DNAH9: variants seen among roughly 807,000 people sequenced by gnomAD.
DNAH9 encodes the protein dynein axonemal heavy chain 9.
DNAH9 carries 345 observed loss-of-function variants against 471.6 expected under a neutral mutation model. The ratio of observed to expected loss-of-function variants is 0.73; its 90% CI spans 0.67 to 0.80. DNAH9 has a LOEUF of 0.80. Ranked by LOEUF, DNAH9 falls within the 30% of genes least tolerant of loss-of-function variation. DNAH9 has a pLI of 0.00. For synonymous variants in DNAH9, 2,093 were observed against 2,123.6 expected, an observed-to-expected ratio of 0.99 and a Z score of 0.40; for missense variants, 5,407 against 5,609.2, an observed-to-expected ratio of 0.96 and a Z score of 1.15.
intron 39 of DNAH9, among the ~76,000 whole-genome samples, 181 bp from the exon 40 acceptor site, chr17:11,783,465 T>C (rs1039397670): frequency 7.2e-5 from 11 of 152,174 alleles, no homozygotes; most frequent in Non-Finnish European, 1.3e-4. Flanking sequence ...TTTCCTTAGA[T>C]ATGGAGGTAC....
chr17:11,648,380 C>A (rs144881068), intron 12 of DNAH9, among the ~76,000 whole-genome samples: 1 of 152,174 alleles, frequency 6.6e-6, no homozygotes, highest in Non-Finnish European at 1.5e-5. Context: ...GGATCAATTT[C>A]ATTGGCATTC....
At chr17:11,619,883 C>T in intron 6 of DNAH9, 102 bp downstream of exon 6, 2 of 692,582 alleles carry the variant, frequency 2.9e-6, no homozygotes, top group Non-Finnish European at 5.2e-6. Flanking sequence ...ACCTCATAGC[C>T]AACCCTCCAT....
intron 59 of DNAH9, among the ~76,000 whole-genome samples, chr17:11,899,506 A>G (rs1973334153): frequency 6.6e-6 from 1 of 152,194 alleles, no homozygotes; most frequent in African/African-American, 2.4e-5. Context: ...AGTCATTTCC[A>G]TTTAGCTTAT....
intron 6 of DNAH9, among the ~76,000 whole-genome samples, chr17:11,628,529 C>T (rs1431322488): frequency 6.6e-6 from 1 of 152,222 alleles, no homozygotes; most frequent in East Asian, 1.9e-4. Flanking sequence ...TAACTACTCA[C>T]CGCCACCTGG....
At chr17:11,726,398 T>A (rs1001189920) in intron 27 of DNAH9, among the ~76,000 whole-genome samples, 2 of 152,196 alleles carry the variant, frequency 1.3e-5, no homozygotes, top group Non-Finnish European at 2.9e-5. Context: ...TAATACAAAT[T>A]GTAAGTAGGC....
intron 15 of DNAH9, among the ~76,000 whole-genome samples, chr17:11,666,042 C>T (rs1175202676): frequency 6.6e-6 from 1 of 152,148 alleles, no homozygotes. Flanking sequence ...CTAAGGAAAT[C>T]AACAACAGGA....
At chr17:11,887,994 T>A (rs1040968849) in intron 57 of DNAH9, among the ~76,000 whole-genome samples, 3 of 151,862 alleles carry the variant, frequency 2.0e-5, no homozygotes, top group Non-Finnish European at 4.4e-5. Context: ...TTTTGTTTTT[T>A]TTTTTTGAGA....
chr17:11,708,176 C>T (rs772046176), intron 26 of DNAH9, among the ~76,000 whole-genome samples: 5 of 152,126 alleles, frequency 3.3e-5, no homozygotes, highest in Admixed American at 6.5e-5. Context: ...AATCAAGAAC[C>T]TTTGTCTATC....
rs186415373 is a variant in DNAH9, at chr17:11,866,819, C to T, written c.9934-2315C>T. Among the ~76,000 whole-genome samples, 1,268 of 152,332 alleles carry T rather than the reference C, an allele frequency of 8.3e-3. 16 individuals are homozygous for T. The highest frequency in any genetic ancestry group is 0.029 in the African/African-American group (1,202 of 41,582). On this transcript the variant is annotated intron_variant, in intron 50 of 68. Coordinates refer to ENST00000262442, the MANE Select transcript of DNAH9 (RefSeq NM_001372.4). ...GAGATTCTGTGGGCATAGGACCCTC[C>T]GAGCCAGGTGCAGGATATAATCTCC...
At chr17:11,620,801 C>G (rs949261918) in intron 6 of DNAH9, among the ~76,000 whole-genome samples, 3 of 152,164 alleles carry the variant, frequency 2.0e-5, no homozygotes, top group Non-Finnish European at 4.4e-5. Context: ...CCTCCACTCC[C>G]CAATCTCCAA....
At chr17:11,614,485 G>C (rs2072701549) in intron 4 of DNAH9, among the ~76,000 whole-genome samples, 1 of 152,136 alleles carries the variant, frequency 6.6e-6, no homozygotes, top group South Asian at 2.1e-4. Flanking sequence ...GGAAGAACAA[G>C]GGCAATAAAG....
chr17:11,802,146 G>A (rs2150918927), intron 43 of DNAH9, among the ~76,000 whole-genome samples: 1 of 152,232 alleles, frequency 6.6e-6, no homozygotes, highest in Middle Eastern at 3.4e-3. Flanking sequence ...TCCCTTCCCT[G>A]GGGCTCATGG....
At chr17:11,907,447 G>A (rs1375368445) in intron 61 of DNAH9, among the ~76,000 whole-genome samples, 1 of 143,574 alleles carries the variant, frequency 7.0e-6, no homozygotes, top group Non-Finnish European at 1.5e-5. Flanking sequence ...TCCAGCCTGG[G>A]CAACAAGAGT....
intron 41 of DNAH9, 88 bp downstream of exon 41, chr17:11,784,627 G>C (rs1185795335): frequency 6.4e-7 from 1 of 1,568,288 alleles, no homozygotes; most frequent in African/African-American, 1.4e-5. Flanking sequence ...CTAATGCCCA[G>C]CTCATAGGCA....
chr17:11,730,272 T>A (rs1490385007), intron 28 of DNAH9, among the ~76,000 whole-genome samples: 1 of 152,120 alleles, frequency 6.6e-6, no homozygotes, highest in African/African-American at 2.4e-5. Flanking sequence ...GAGTGTAGCT[T>A]GAAATGGGCT....
In DNAH9 at chr17:11,832,432, C is replaced by T. The variant is rs544519862; in HGVS notation, c.9247-2206C>T. Among the ~76,000 whole-genome samples, 11 of 152,282 alleles carry T rather than the reference C, an allele frequency of 7.2e-5. No individual in the cohort carries two copies. In the South Asian group the frequency reaches 1.9e-3, roughly 26 times the overall value. Reference sequence around the variant, plus strand: ...TGTTTGCTGACTGGAGTGATTATGCCGCTCAATCATTTTGATTTACAATTG... The same window carrying T: ...TGTTTGCTGACTGGAGTGATTATGCTGCTCAATCATTTTGATTTACAATTG... On this transcript the variant is annotated intron_variant, in intron 48 of 68. Coordinates refer to ENST00000262442, the MANE Select transcript of DNAH9 (RefSeq NM_001372.4).
chr17:11,860,573 T>C (rs956399379), intron 50 of DNAH9, among the ~76,000 whole-genome samples: 1 of 152,142 alleles, frequency 6.6e-6, no homozygotes, highest in Non-Finnish European at 1.5e-5. Context: ...GTTTGTTGTT[T>C]TTTTTTTGAG....
intron 59 of DNAH9, among the ~76,000 whole-genome samples, chr17:11,898,845 AATTTAGTTTC>A (rs1322580979): frequency 6.6e-6 from 1 of 152,228 alleles, no homozygotes; most frequent in Non-Finnish European, 1.5e-5. Flanking sequence ...AGCTACGTAC[AATTTAGTTTC>A]ATTCCTCTTT....
At chr17:11,858,725 G>A (rs1002533143) in intron 50 of DNAH9, among the ~76,000 whole-genome samples, 1 of 152,116 alleles carries the variant, frequency 6.6e-6, no homozygotes, top group Non-Finnish European at 1.5e-5. Flanking sequence ...CCATTTCCAT[G>A]TCTTCCCAAT....
Sources: gnomAD v4.1 joint callset for allele counts (sites outside exome capture counted in the v4.1 genomes callset) on GRCh38, gnomAD v4.1.1 for gene constraint, MANE v1.5 for transcripts, NCBI Gene and HGNC (gene_info 2026-07-23, HGNC 2026-07-21) for gene names.